The following FLRT1 variants were observed in gnomAD, a reference collection of about 807,000 sequenced individuals.
FLRT1 encodes the protein leucine-rich repeat transmembrane protein FLRT1.
A neutral mutation model predicts 30.9 loss-of-function variants in FLRT1; 14 were observed. That is an observed-to-expected ratio of 0.45 (90% confidence interval 0.30 to 0.71). The LOEUF (loss-of-function observed/expected upper bound fraction) is 0.71. Ranked by LOEUF, FLRT1 falls within the 30% of genes least tolerant of loss-of-function variation. FLRT1 has a pLI of 0.08. For missense variants in FLRT1, 737 were observed against 949.2 expected (o/e 0.78, Z 2.94); for synonymous variants, 368 against 430.4 (o/e 0.85, Z 1.80).
intron 1 of FLRT1, among the ~76,000 whole-genome samples, chr11:64,099,119 C>T (rs954849559): frequency 1.3e-5 from 2 of 152,208 alleles, no homozygotes; most frequent in Admixed American, 1.3e-4. Flanking sequence ...GCCAGACCTG[C>T]CTCCCTCTGG....
In FLRT1 at chr11:64,116,350, C is replaced by T. The variant is rs1944980227; in HGVS notation, c.83C>T (p.Thr28Ile). ...GCCACCGTTGTGATGACCACGGCCA[C>T]CATGGACCTGCGGGACTGGCTGTTC... ...VTATVVMTTA[T>I]MDLRDWLFLC... Residue 28 changes from threonine (T) to isoleucine (I), a missense_variant, in exon 3 of 3, where the codon ACC (threonine) becomes ATC (isoleucine). By Grantham distance (89) the Thr-to-Ile change is moderately conservative. Transcript: ENST00000682287. The T allele has an allele frequency of 1.2e-6, 2 of 1,612,756 alleles. No individual in the cohort carries two copies. Among genetic ancestry groups the T allele is most frequent in the Non-Finnish European group, 1.7e-6 (2 of 1,179,716 alleles).
rs914995407 is a variant in FLRT1 at position 64,117,534 on chromosome 11, G to A, written c.1267G>A (p.Asp423Asn). ...KAKRPGLRLP[D>N]SNIDYPMATG... ...CAAAAGGCCAGGGCTGCGCCTCCCC[G>A]ACTCCAACATTGACTACCCCATGGC... The change falls in exon 3 of 3, where the codon GAC becomes AAC. Residue 423 changes from aspartate to asparagine, a missense_variant. Coordinates refer to ENST00000682287, the MANE Select transcript of FLRT1 (RefSeq NM_013280.5). 1.7e-5 allele frequency: 27 copies of A among 1,602,522 alleles called. No homozygotes were observed. The highest frequency in any genetic ancestry group is 1.5e-4 in the African/African-American group (11 of 74,696).
intron 1 of FLRT1, among the ~76,000 whole-genome samples, chr11:64,048,684 G>A (rs994162293): frequency 2.2e-5 from 3 of 137,412 alleles, no homozygotes; most frequent in African/African-American, 1.0e-4. Flanking sequence ...CAAAGTGCCT[G>A]CAGTTTTTGC....
intron 1 of FLRT1, among the ~76,000 whole-genome samples, chr11:64,062,850 C>G (rs1186897098): frequency 6.6e-6 from 1 of 152,200 alleles, no homozygotes; most frequent in Admixed American, 6.5e-5. Flanking sequence ...AGCAGGGGCA[C>G]CTCCACCCCG....
At chr11:64,085,594 C>G (rs1258181029) in intron 1 of FLRT1, among the ~76,000 whole-genome samples, 1 of 152,228 alleles carries the variant, frequency 6.6e-6, no homozygotes, top group Non-Finnish European at 1.5e-5. Flanking sequence ...CAGGCCGCAG[C>G]GTGGGCCAGC....
chr11:64,060,818 CG>C (rs1260309104), intron 1 of FLRT1, among the ~76,000 whole-genome samples: 1 of 152,198 alleles, frequency 6.6e-6, no homozygotes, highest in Non-Finnish European at 1.5e-5. Context: ...CTGCAGCCCC[CG>C]GGTCGCCCGG....
At position 64,116,786 on chromosome 11, in the gene FLRT1, C is replaced by T. The variant is rs779225463; in HGVS notation, c.519C>T (p.Phe173=). 8 of 1,613,462 alleles carry T rather than the reference C, an allele frequency of 5.0e-6. No homozygotes were observed. The Admixed American group carries it at 5.0e-5, about 10-fold the overall frequency. The change falls in exon 3 of 3, where the codon TTC becomes TTT. Residue 173 remains phenylalanine (F), a synonymous_variant. Coordinates refer to ENST00000682287, the MANE Select transcript of FLRT1 (RefSeq NM_013280.5). ...CCGTCAGCATTGAGGAGGACGCCTT[C>T]GCCGACAGCAAACAGCTCAAGCTGC... ...VSTVSIEEDA[F]ADSKQLKLLF...
rs1198535314 is a variant in FLRT1 at position 64,045,583 on chromosome 11, G to A, written c.-1038+9424G>A. Among the ~76,000 whole-genome samples, 7 of 152,278 alleles carry A rather than the reference G, an allele frequency of 4.6e-5. No individual in the cohort carries two copies. In the East Asian group the frequency reaches 7.7e-4, roughly 17 times the overall value. ...GGTAGGTAGGGGGTGAGGGTCTGCCGAGGGAGCAGCGGCGTTCAGCTGGGG... is the reference window on the plus strand; with the variant it reads ...GGTAGGTAGGGGGTGAGGGTCTGCCAAGGGAGCAGCGGCGTTCAGCTGGGG... On this transcript the variant is annotated intron_variant, in intron 1 of 2. Coordinates refer to ENST00000682287, the MANE Select transcript of FLRT1 (RefSeq NM_013280.5).
intron 2 of FLRT1, among the ~76,000 whole-genome samples, chr11:64,112,464 A>C (rs557242309): frequency 6.6e-6 from 1 of 152,208 alleles, no homozygotes; most frequent in Non-Finnish European, 1.5e-5. Context: ...TAGTGACCCA[A>C]GATCGCTCCA....
chr11:64,077,536 G>A (rs1944224588), intron 1 of FLRT1, among the ~76,000 whole-genome samples: 1 of 152,118 alleles, frequency 6.6e-6, no homozygotes, highest in Non-Finnish European at 1.5e-5. Context: ...ATGTGGGAAG[G>A]TGAGGGGCGG....
chr11:64,089,456 G>A (rs973297554), intron 1 of FLRT1, among the ~76,000 whole-genome samples: 5 of 152,228 alleles, frequency 3.3e-5, no homozygotes, highest in Non-Finnish European at 7.3e-5. Context: ...CGGAGCAGGG[G>A]TGGGATTCAA....
chr11:64,065,764 T>A (rs1390448415), intron 1 of FLRT1, among the ~76,000 whole-genome samples: 3 of 127,750 alleles, frequency 2.3e-5, no homozygotes, highest in Admixed American at 1.0e-4. Flanking sequence ...CACTCCAGCC[T>A]GGGCGACAGA....
At chr11:64,107,554 G>A (rs1295524016) in intron 2 of FLRT1, among the ~76,000 whole-genome samples, 1 of 152,200 alleles carries the variant, frequency 6.6e-6, no homozygotes, top group Non-Finnish European at 1.5e-5. Flanking sequence ...TGCAATTACC[G>A]CCAGTGATAA....
intron 1 of FLRT1, among the ~76,000 whole-genome samples, chr11:64,097,439 C>A (rs937616639): frequency 6.6e-6 from 1 of 152,144 alleles, no homozygotes; most frequent in Non-Finnish European, 1.5e-5. Context: ...GAGTGGGCCC[C>A]GCACCCCTGA....
Position 64,105,193 on chromosome 11 carries a change from C to T in FLRT1, c.-50+1012C>T, listed in dbSNP as rs530659844. ...GTGCGCCAGCCCGACAGCGGGGCCGCGAGCGTGCCTGAGCCGGAGCTGGGC... is the reference window on the plus strand; with the variant it reads ...GTGCGCCAGCCCGACAGCGGGGCCGTGAGCGTGCCTGAGCCGGAGCTGGGC... On this transcript the variant is annotated intron_variant, in intron 2 of 2. Transcript: ENST00000682287. Among the ~76,000 whole-genome samples, 67 of 152,348 alleles carry T rather than the reference C, an allele frequency of 4.4e-4. 1 individual carries two copies. Among genetic ancestry groups the T allele is most frequent in the African/African-American group, 1.6e-3 (65 of 41,576 alleles).
In FLRT1 at chr11:64,118,196, C is replaced by T. The variant is rs1411675265; in HGVS notation, c.1929C>T (p.Gly643=). 5 of 1,613,168 alleles carry T rather than the reference C, an allele frequency of 3.1e-6. No homozygotes were observed. The African/African-American group carries it at 5.3e-5, about 17-fold the overall frequency. ...TCCACACTATCTTCCCCTCCAACGGCAGCAGCCTCTGCAAGGCCACACACA... is the reference window on the plus strand; with the variant it reads ...TCCACACTATCTTCCCCTCCAACGGTAGCAGCCTCTGCAAGGCCACACACA... ...YVVHTIFPSN[G]SSLCKATHTI... Residue 643 remains glycine (G), a synonymous_variant, in exon 3 of 3, where the codon GGC becomes GGT. Transcript: ENST00000682287.
At chr11:64,049,012 G>A (rs900157891) in intron 1 of FLRT1, among the ~76,000 whole-genome samples, 1 of 152,240 alleles carries the variant, frequency 6.6e-6, no homozygotes, top group South Asian at 2.1e-4. Context: ...TGGGGTGCCG[G>A]CTGCCTCCTG....
Position 64,118,348 on chromosome 11 carries a change from T to C in FLRT1, c.*56T>C. The C allele has an allele frequency of 4.0e-6, 6 of 1,496,020 alleles. No individual in the cohort carries two copies. The highest frequency in any genetic ancestry group is 5.4e-6 in the Non-Finnish European group (6 of 1,120,128). The allele number at this position is 1,496,020 out of a possible 1,614,324, so 92.7% of individuals were successfully genotyped here. A position where few individuals can be genotyped will look rare whatever the true frequency, so the allele number is the denominator to read the frequency against. ...CCCCAGCTGCCCTGGCGTGGCCATG[T>C]GGCTTTGCCCAGCCTGCTGCAATCC... On this transcript the variant is annotated 3_prime_UTR_variant, in exon 3 of 3. Transcript: ENST00000682287.
intron 1 of FLRT1, among the ~76,000 whole-genome samples, chr11:64,084,329 C>T (rs1944355624): frequency 6.6e-6 from 1 of 152,134 alleles, no homozygotes. Context: ...GGATGCCTGT[C>T]CCCCAGCCTC....
Sources: gnomAD v4.1 joint callset for allele counts (sites outside exome capture counted in the v4.1 genomes callset) on GRCh38, gnomAD v4.1.1 for gene constraint, MANE v1.5 for transcripts, NCBI Gene and HGNC (gene_info 2026-07-23, HGNC 2026-07-21) for gene names.